Variants in RUNX2 observed in about 807,000 individuals in gnomAD.
The protein encoded by RUNX2 is runt-related transcription factor 2.
In RUNX2, 10 loss-of-function variants were observed where a neutral mutation model predicts 51.7. The ratio of observed to expected loss-of-function variants is 0.19; its 90% CI spans 0.12 to 0.33. The LOEUF is 0.33. Among genes scored for constraint, RUNX2 ranks in the 10% least tolerant of loss-of-function variants. The pLI is 1.00. For missense variants in RUNX2, 562 were observed against 691.3 expected (o/e 0.81, Z 2.10); for synonymous variants, 276 against 273.6 (o/e 1.01, Z -0.09).
At chr6:45,390,889 C>T (rs1257170200) in intron 2 of RUNX2, among the ~76,000 whole-genome samples, 2 of 152,148 alleles carry the variant, frequency 1.3e-5, no homozygotes, top group African/African-American at 4.8e-5. Flanking sequence ...CAAAATTACT[C>T]TGAAACATAG....
chr6:45,484,949 T>A (rs1800224629), intron 5 of RUNX2, among the ~76,000 whole-genome samples: 1 of 152,198 alleles, frequency 6.6e-6, no homozygotes, highest in Admixed American at 6.5e-5. Flanking sequence ...CCTCTCTTCC[T>A]TTTTACTCCA....
At chr6:45,539,915 A>T (rs1802164514) in intron 7 of RUNX2, among the ~76,000 whole-genome samples, 1 of 152,250 alleles carries the variant, frequency 6.6e-6, no homozygotes, top group African/African-American at 2.4e-5. Flanking sequence ...AGTAAGATTT[A>T]TCTACATAAA....
chr6:45,447,904 G>A (rs1440387497), intron 5 of RUNX2, among the ~76,000 whole-genome samples: 5 of 152,148 alleles, frequency 3.3e-5, no homozygotes, highest in Admixed American at 6.5e-5. Context: ...GCCAACATGC[G>A]GTGATGTGAG....
intron 6 of RUNX2, among the ~76,000 whole-genome samples, chr6:45,505,290 C>A (rs183648454): frequency 1.3e-5 from 2 of 152,232 alleles, no homozygotes; most frequent in South Asian, 4.2e-4. Context: ...CTGCTGCCCC[C>A]ACTCAAACTT....
At chr6:45,390,603 T>C (rs1187202499) in intron 2 of RUNX2, among the ~76,000 whole-genome samples, 1 of 152,158 alleles carries the variant, frequency 6.6e-6, no homozygotes, top group Admixed American at 6.5e-5. Flanking sequence ...TGTGAACATA[T>C]TGAACAGATC....
intron 2 of RUNX2, among the ~76,000 whole-genome samples, chr6:45,368,327 A>G (rs1290255582): frequency 1.3e-5 from 2 of 152,200 alleles, no homozygotes; most frequent in African/African-American, 2.4e-5. Context: ...AGCTAATATT[A>G]TAACACACCT....
At chr6:45,533,903 T>TC (rs1157295808) in intron 7 of RUNX2, among the ~76,000 whole-genome samples, 1 of 146,970 alleles carries the variant, frequency 6.8e-6, no homozygotes, top group African/African-American at 2.5e-5. Context: ...TTTTTTTTTT[T>TC]TTTTTTTTGG....
intron 7 of RUNX2, among the ~76,000 whole-genome samples, chr6:45,514,845 T>C (rs963457809): frequency 3.3e-5 from 5 of 152,256 alleles, no homozygotes; most frequent in Middle Eastern, 3.4e-3. Flanking sequence ...TTATATCTTA[T>C]GATTCCTCTC....
intron 5 of RUNX2, among the ~76,000 whole-genome samples, chr6:45,448,321 G>A (rs1799061325): frequency 6.6e-6 from 1 of 152,214 alleles, no homozygotes; most frequent in African/African-American, 2.4e-5. Flanking sequence ...GTTGCTCCCT[G>A]AGCAACCGGA....
intron 2 of RUNX2, chr6:45,422,203 C>G (rs958969935): frequency 4.6e-6 from 1 of 218,042 alleles, no homozygotes; most frequent in African/African-American, 2.4e-5. Context: ...GGGGCGCCAG[C>G]GCACCCAGGA....
At chr6:45,378,023 C>A (rs1370593134) in intron 2 of RUNX2, 3 of 152,014 alleles carry the variant, frequency 2.0e-5, no homozygotes, top group African/African-American at 7.3e-5. Flanking sequence ...GCGATACGGA[C>A]GCCCCCCGCA....
chr6:45,442,121 TA>T (rs1798857544), intron 5 of RUNX2, among the ~76,000 whole-genome samples: 1 of 152,266 alleles, frequency 6.6e-6, no homozygotes. Flanking sequence ...ATCTCGGTTA[TA>T]AAACTTCCCT....
At position 45,547,761 on chromosome 6, in the gene RUNX2, C is replaced by CA. The variant is rs1802448540; in HGVS notation, c.*457dup. The CA allele has an allele frequency of 9.3e-6, 2 of 216,030 alleles. No homozygotes were observed. The highest frequency in any genetic ancestry group is 1.5e-4 in the South Asian group (2 of 13,638). The allele number at this position is 216,030 out of a possible 1,614,324, so 13.4% of individuals were successfully genotyped here. A position where few individuals can be genotyped will look rare whatever the true frequency, so the allele number is the denominator to read the frequency against. On this transcript the variant is annotated 3_prime_UTR_variant, in exon 9 of 9. Transcript: ENST00000647337. The stretch of plus-strand genomic sequence containing the variant: ...GGACCAGTGCCCTCCGCAGACAGCT[C>CA]ACAAAACCAGTTGAGGTGCACTAAA...
chr6:45,549,405 C>T lies in RUNX2; in HGVS notation c.*2100C>T, dbSNP rs1461130252. 10 of 398,396 alleles carry T rather than the reference C, an allele frequency of 2.5e-5. No individual in the cohort carries two copies. The highest frequency in any genetic ancestry group is 4.0e-5 in the Non-Finnish European group (9 of 226,052). 24.7% of individuals were successfully genotyped at this position (398,396 alleles called of 1,614,324 possible). The stretch of plus-strand genomic sequence containing the variant: ...CTGCCTGGGAGTCTCCCTTGGAATT[C>T]ATCCTGACTCCTTCTAATAAAAATG... On this transcript the variant is annotated 3_prime_UTR_variant, in exon 9 of 9. Transcript: ENST00000647337.
In RUNX2 at chr6:45,550,394, A is replaced by T. The variant is rs942536479; in HGVS notation, c.*3089A>T. On this transcript the variant is annotated 3_prime_UTR_variant, in exon 9 of 9. Coordinates refer to ENST00000647337, the MANE Select transcript of RUNX2 (RefSeq NM_001024630.4). ...CAAAATGAGCAGAGAAGTCCACACC[A>T]TTAGGGACCATCTGTGATAAATTCA... The T allele has an allele frequency of 1.3e-5, 2 of 152,170 alleles. No individual in the cohort carries two copies. Among genetic ancestry groups the T allele is most frequent in the Non-Finnish European group, 2.9e-5 (2 of 68,030 alleles). 9.4% of individuals were successfully genotyped at this position (152,170 alleles called of 1,614,324 possible).
chr6:45,397,393 G>A (rs1162803089), intron 2 of RUNX2, among the ~76,000 whole-genome samples: 2 of 152,266 alleles, frequency 1.3e-5, no homozygotes, highest in East Asian at 1.9e-4. Flanking sequence ...ACAGGCGTGA[G>A]CAACCATGCC....
chr6:45,440,566 G>A (rs866022129), intron 5 of RUNX2, among the ~76,000 whole-genome samples: 4 of 152,096 alleles, frequency 2.6e-5, no homozygotes, highest in Non-Finnish European at 4.4e-5. Flanking sequence ...AGCAGCATAA[G>A]CAAATACATA....
At chr6:45,439,785 T>C (rs1798791592) in intron 5 of RUNX2, among the ~76,000 whole-genome samples, 1 of 152,092 alleles carries the variant, frequency 6.6e-6, no homozygotes, top group Admixed American at 6.5e-5. Context: ...GGATAGGTGC[T>C]CCCTGTTCTG....
intron 5 of RUNX2, among the ~76,000 whole-genome samples, chr6:45,460,763 C>G (rs1472647492): frequency 7.7e-6 from 1 of 130,620 alleles, no homozygotes; most frequent in African/African-American, 3.0e-5. Flanking sequence ...TAGCAAGACC[C>G]CAACTCTTAA....
Sources: gnomAD v4.1 joint callset for allele counts (sites outside exome capture counted in the v4.1 genomes callset) on GRCh38, gnomAD v4.1.1 for gene constraint, MANE v1.5 for transcripts, NCBI Gene and HGNC (gene_info 2026-07-23, HGNC 2026-07-21) for gene names.